Variants in GALNT14 observed in about 807,000 individuals in gnomAD.
GALNT14 encodes the protein polypeptide N-acetylgalactosaminyltransferase 14.
In GALNT14, 60 loss-of-function variants were observed where a neutral mutation model predicts 77.5. That is an observed-to-expected ratio of 0.77 (90% CI 0.63 to 0.96). The LOEUF (loss-of-function observed/expected upper bound fraction) is 0.96, where lower values mean the gene tolerates loss of function less well. Ranked by LOEUF, GALNT14 falls within the 40% of genes least tolerant of loss-of-function variation. The probability of loss-of-function intolerance (pLI) is 0.00; values close to 1 mark genes in which losing one functional copy is unlikely to be tolerated. For missense variants in GALNT14, 710 were observed against 731.0 expected, an observed-to-expected ratio of 0.97 and a Z score of 0.33; for synonymous variants, 280 against 281.7, an observed-to-expected ratio of 0.99 and a Z score of 0.06.
At chr2:31,103,594 C>T (rs1461053219) in intron 1 of GALNT14, among the ~76,000 whole-genome samples, 2 of 152,118 alleles carry the variant, frequency 1.3e-5, no homozygotes, top group Non-Finnish European at 2.9e-5. Flanking sequence ...CATCCTCTTT[C>T]TAAGTGTCTA....
chr2:30,977,961 C>T (rs1454664747), intron 2 of GALNT14, among the ~76,000 whole-genome samples: 1 of 152,188 alleles, frequency 6.6e-6, no homozygotes, highest in East Asian at 1.9e-4. Context: ...CTCCTCCCAC[C>T]CTCTCCACAG....
At chr2:30,965,743 G>A (rs191808082) in intron 3 of GALNT14, among the ~76,000 whole-genome samples, 93 of 152,290 alleles carry the variant, frequency 6.1e-4, no homozygotes, top group African/African-American at 2.0e-3. Context: ...GATTGCTGCA[G>A]GCCGTTCTGA....
chr2:31,116,182 G>T (rs1339341205), intron 1 of GALNT14, among the ~76,000 whole-genome samples: 2 of 152,110 alleles, frequency 1.3e-5, no homozygotes, highest in East Asian at 3.9e-4. Context: ...ATAGTAAGAT[G>T]TCCAAATTAA....
At chr2:30,989,606 A>G (rs1002705353) in intron 2 of GALNT14, among the ~76,000 whole-genome samples, 74 of 141,368 alleles carry the variant, frequency 5.2e-4, no homozygotes, top group African/African-American at 1.8e-3. Flanking sequence ...TAGTAGATAT[A>G]TAAAAATATA....
intron 1 of GALNT14, among the ~76,000 whole-genome samples, chr2:31,022,621 G>A (rs972600558): frequency 2.6e-5 from 4 of 152,212 alleles, no homozygotes; most frequent in African/African-American, 9.6e-5. Flanking sequence ...GCCCAAGACT[G>A]GTGGGATGAA....
the GALNT14 span, among the ~76,000 whole-genome samples, chr2:30,897,635 C>T: frequency 3.3e-5 from 5 of 152,206 alleles, no homozygotes; most frequent in Non-Finnish European, 7.3e-5. Flanking sequence ...GTGGTGTCTC[C>T]TGCCGTTTTC....
intron 1 of GALNT14, among the ~76,000 whole-genome samples, chr2:31,057,267 T>C (rs1674273822): frequency 6.7e-6 from 1 of 148,494 alleles, no homozygotes. Flanking sequence ...CCTGCACATG[T>C]GCCCTATGAA....
At chr2:31,000,434 A>T (rs981860290) in intron 1 of GALNT14, among the ~76,000 whole-genome samples, 1 of 83,218 alleles carries the variant, frequency 1.2e-5, no homozygotes, top group African/African-American at 5.2e-5. Flanking sequence ...AATATCACCA[A>T]CTGTGTGTGT....
intron 1 of GALNT14, among the ~76,000 whole-genome samples, chr2:31,063,789 T>C (rs1297642452): frequency 6.6e-6 from 1 of 152,168 alleles, no homozygotes; most frequent in Non-Finnish European, 1.5e-5. Flanking sequence ...TTGTAAGTTG[T>C]ATTCCGAGGT....
rs1389994009 is a variant in GALNT14, at chr2:31,048,600, C to CTGCCTCCCT, written c.130-55594_130-55593insAGGGAGGCA. ...TGGGACTGCCTCCCCACCCCCACTCCTGCCTCCCCTGCCTCCCCTGCCTCC... is the reference window on the plus strand; with the variant it reads ...TGGGACTGCCTCCCCACCCCCACTCCTGCCTCCCTTGCCTCCCCTGCCTCCCCTGCCTCC... On this transcript the variant is annotated intron_variant, in intron 1 of 14. Coordinates refer to ENST00000349752, the MANE Select transcript of GALNT14 (RefSeq NM_024572.4). 4.1e-4 allele frequency among the ~76,000 whole-genome samples: 60 copies of CTGCCTCCCT among 147,868 alleles called. 1 individual carries two copies. Among genetic ancestry groups the CTGCCTCCCT allele is most frequent in the Non-Finnish European group, 6.7e-4 (45 of 66,750 alleles).
At chr2:30,958,224 T>C (rs937731011) in intron 4 of GALNT14, among the ~76,000 whole-genome samples, 173 bp downstream of exon 4, 28 of 152,132 alleles carry the variant, frequency 1.8e-4, no homozygotes, top group Admixed American at 1.8e-3. Context: ...GTTTTTTGGA[T>C]ATAAAGCTTC....
At chr2:31,023,889 T>G (rs937530963) in intron 1 of GALNT14, among the ~76,000 whole-genome samples, 2 of 152,164 alleles carry the variant, frequency 1.3e-5, no homozygotes, top group African/African-American at 2.4e-5. Flanking sequence ...TCCCAAGGAT[T>G]TAGACTCCGA....
chr2:30,894,814 G>C, the GALNT14 span, among the ~76,000 whole-genome samples: 1 of 152,180 alleles, frequency 6.6e-6, no homozygotes, highest in Admixed American at 6.5e-5. Context: ...CCCATTCTTA[G>C]ATGGCCAGCC....
At chr2:31,018,362 C>T (rs930216731) in intron 1 of GALNT14, among the ~76,000 whole-genome samples, 1 of 152,216 alleles carries the variant, frequency 6.6e-6, no homozygotes, top group Non-Finnish European at 1.5e-5. Context: ...AACTGACTCA[C>T]GTTCCACAGG....
At chr2:30,941,496 A>G (rs1666375136) in intron 9 of GALNT14, among the ~76,000 whole-genome samples, 2 of 152,214 alleles carry the variant, frequency 1.3e-5, no homozygotes, top group African/African-American at 4.8e-5. Flanking sequence ...AACACCTTTA[A>G]TACACAAGGG....
the GALNT14 span, among the ~76,000 whole-genome samples, chr2:30,892,322 G>A: frequency 1.3e-5 from 2 of 152,054 alleles, no homozygotes; most frequent in South Asian, 2.1e-4. Context: ...CCAAAAACAC[G>A]GGATGTAGGG....
chr2:30,916,551 G>A (rs902082499), intron 13 of GALNT14, among the ~76,000 whole-genome samples: 3 of 152,176 alleles, frequency 2.0e-5, no homozygotes, highest in African/African-American at 7.2e-5. Context: ...AATGAGGAGG[G>A]GATCGACTGG....
chr2:30,980,089 G>T (rs953772477), intron 2 of GALNT14, among the ~76,000 whole-genome samples: 5 of 152,132 alleles, frequency 3.3e-5, no homozygotes, highest in African/African-American at 1.2e-4. Flanking sequence ...CAAGGCCGAG[G>T]CCCAGAGCTC....
intron 6 of GALNT14, among the ~76,000 whole-genome samples, chr2:30,946,074 A>T (rs555262021): frequency 4.5e-4 from 69 of 152,258 alleles, no homozygotes; most frequent in African/African-American, 1.5e-3. Context: ...CTAAAATGCT[A>T]AGAGGTTTTC....
Sources: gnomAD v4.1 joint callset for allele counts (sites outside exome capture counted in the v4.1 genomes callset) on GRCh38, gnomAD v4.1.1 for gene constraint, MANE v1.5 for transcripts, NCBI Gene and HGNC (gene_info 2026-07-23, HGNC 2026-07-21) for gene names.